NAV2: variants seen among roughly 807,000 people sequenced by gnomAD.
The protein encoded by NAV2 is helicase, APC down-regulated 1.
In NAV2, 54 loss-of-function variants were observed where a neutral mutation model predicts 223.2. The observed-to-expected ratio is 0.24, with a 90% confidence interval of 0.19 to 0.30. The LOEUF (loss-of-function observed/expected upper bound fraction) is 0.30, where lower values mean the gene tolerates loss of function less well. Ranked by LOEUF, NAV2 falls within the 10% of genes least tolerant of loss-of-function variation. The pLI is 1.00. For synonymous variants in NAV2, 1,279 were observed against 1,239.3 expected (o/e 1.03, Z -0.67); for missense variants, 2,806 against 3,147.5 (o/e 0.89, Z 2.60).
intron 25 of NAV2, chr11:20,082,685 T>C: frequency 7.6e-7 from 1 of 1,315,108 alleles, no homozygotes; most frequent in South Asian, 1.2e-5. Flanking sequence ...TCACCGTGTC[T>C]GAGCATCCTG....
At chr11:19,520,205 T>C (rs1246605424) in intron 1 of NAV2, among the ~76,000 whole-genome samples, 1 of 152,226 alleles carries the variant, frequency 6.6e-6, no homozygotes, top group African/African-American at 2.4e-5. Flanking sequence ...CTCTAATCCT[T>C]TTATTGCGAT....
chr11:19,734,700 C>T (rs2052122916), intron 1 of NAV2, among the ~76,000 whole-genome samples: 1 of 152,146 alleles, frequency 6.6e-6, no homozygotes, highest in Admixed American at 6.5e-5. Context: ...TTCATGCATC[C>T]CTCCCCTAAC....
chr11:19,512,035 C>G (rs185641382), intron 1 of NAV2, among the ~76,000 whole-genome samples: 35 of 152,302 alleles, frequency 2.3e-4, no homozygotes, highest in Admixed American at 9.1e-4. Context: ...TGCCTAATGC[C>G]TTTTGTACCC....
intron 1 of NAV2, among the ~76,000 whole-genome samples, chr11:19,601,417 C>T (rs1010738588): frequency 6.6e-6 from 1 of 152,164 alleles, no homozygotes; most frequent in Non-Finnish European, 1.5e-5. Flanking sequence ...CAGAGCAGCC[C>T]TCTACTTGGT....
At chr11:19,832,444 C>G (rs754376513) in intron 1 of NAV2, 40 bp from the exon 2 acceptor site, 1 of 1,530,754 alleles carries the variant, frequency 6.5e-7, no homozygotes, top group Non-Finnish European at 9.0e-7. Flanking sequence ...AGAGGGGATC[C>G]GACTGGCTTC....
At chr11:19,572,053 C>A (rs1565061373) in intron 1 of NAV2, among the ~76,000 whole-genome samples, 1 of 152,204 alleles carries the variant, frequency 6.6e-6, no homozygotes, top group Non-Finnish European at 1.5e-5. Context: ...CTACCTGGGG[C>A]AGGACCACAG....
intron 11 of NAV2, among the ~76,000 whole-genome samples, chr11:20,003,888 G>A (rs930518578): frequency 1.3e-5 from 2 of 152,180 alleles, no homozygotes; most frequent in African/African-American, 4.8e-5. Context: ...TCTGTTCATT[G>A]GATTTGGATG....
chr11:19,701,170 G>A (rs2049502201), intron 1 of NAV2, among the ~76,000 whole-genome samples: 1 of 152,124 alleles, frequency 6.6e-6, no homozygotes, highest in Non-Finnish European at 1.5e-5. Context: ...ACCCCACTTA[G>A]AAAGGAACCT....
chr11:19,818,117 T>G (rs1319209822), intron 1 of NAV2, among the ~76,000 whole-genome samples: 1 of 151,940 alleles, frequency 6.6e-6, no homozygotes, highest in East Asian at 1.9e-4. Flanking sequence ...ATTTGCATAC[T>G]CTTACCCATC....
chr11:19,827,598 A>G (rs2059705082), intron 1 of NAV2, among the ~76,000 whole-genome samples: 1 of 152,216 alleles, frequency 6.6e-6, no homozygotes, highest in Non-Finnish European at 1.5e-5. Flanking sequence ...CAAAGGCTGC[A>G]TTCTTCCACA....
At chr11:19,511,675 C>T (rs1029477920) in intron 1 of NAV2, 3 of 152,234 alleles carry the variant, frequency 2.0e-5, no homozygotes, top group Non-Finnish European at 2.9e-5. Flanking sequence ...ATTGCTGTTT[C>T]TCTGCCAGTC....
intron 1 of NAV2, among the ~76,000 whole-genome samples, chr11:19,784,388 TAAAAAAAAAAA>T (rs1162911472): frequency 1.1e-3 from 56 of 50,958 alleles, no homozygotes; most frequent in African/African-American, 4.2e-3. Flanking sequence ...AGCTCCATCT[TAAAAAAAAAAA>T]AAAAAAAAAA....
At chr11:19,738,429 G>C (rs2052517654) in intron 1 of NAV2, among the ~76,000 whole-genome samples, 1 of 152,246 alleles carries the variant, frequency 6.6e-6, no homozygotes, top group African/African-American at 2.4e-5. Flanking sequence ...GACACATCCA[G>C]GAGATGAAAA....
At chr11:19,423,355 G>A (rs186721605) in intron 1 of NAV2, among the ~76,000 whole-genome samples, 19 of 152,334 alleles carry the variant, frequency 1.2e-4, no homozygotes, top group Admixed American at 3.3e-4. Context: ...TCTACAGATG[G>A]TCATGGACTA....
chr11:19,857,536 G>A (rs1413173948), intron 3 of NAV2, among the ~76,000 whole-genome samples: 4 of 152,206 alleles, frequency 2.6e-5, no homozygotes, highest in Non-Finnish European at 5.9e-5. Flanking sequence ...TGCTCAATCT[G>A]TATTTTCAAG....
At chr11:19,438,525 C>T (rs892967483) in intron 1 of NAV2, among the ~76,000 whole-genome samples, 3 of 152,192 alleles carry the variant, frequency 2.0e-5, no homozygotes, top group African/African-American at 7.2e-5. Context: ...TCCACACCAA[C>T]AACCAATTTT....
chr11:19,949,177 C>A, intron 10 of NAV2, 97 bp downstream of exon 10: 1 of 1,328,604 alleles, frequency 7.5e-7, no homozygotes, highest in East Asian at 2.5e-5. Context: ...TGGAGGAGGT[C>A]AAACTGCCCA....
chr11:19,363,648 A>G (rs892127077), intron 1 of NAV2, among the ~76,000 whole-genome samples: 1 of 152,198 alleles, frequency 6.6e-6, no homozygotes, highest in Non-Finnish European at 1.5e-5. Flanking sequence ...TTCTGATGCT[A>G]TCTGGCTGGA....
rs12284065 is a variant in NAV2, at chr11:19,864,149, T to C, written c.439-4776T>C. ...AAATGGTTGTGACCATGCCTGACTT[T>C]AATGCAGCAGCTGTTTGCCTCTCCT... On this transcript the variant is annotated intron_variant, in intron 3 of 37. Coordinates refer to ENST00000349880, the MANE Select transcript of NAV2 (RefSeq NM_145117.5). Among the ~76,000 whole-genome samples the C allele has an allele frequency of 3.8e-3, 581 of 152,348 alleles. 6 individuals carry two copies. The highest frequency in any genetic ancestry group is 0.013 in the African/African-American group (548 of 41,570).
Sources: gnomAD v4.1 joint callset for allele counts (sites outside exome capture counted in the v4.1 genomes callset) on GRCh38, gnomAD v4.1.1 for gene constraint, MANE v1.5 for transcripts, NCBI Gene and HGNC (gene_info 2026-07-23, HGNC 2026-07-21) for gene names.